Variants in RUNX1 observed in about 807,000 individuals in gnomAD.
The protein encoded by RUNX1 is RUNX family transcription factor 1.
RUNX1 carries 19 observed loss-of-function variants against 42.8 expected under a neutral mutation model. The observed-to-expected ratio is 0.44, with a 90% CI of 0.31 to 0.65. The LOEUF (loss-of-function observed/expected upper bound fraction) is 0.65, where lower values mean the gene tolerates loss of function less well. Among genes scored for constraint, RUNX1 ranks in the 30% least tolerant of loss-of-function variants. The probability of loss-of-function intolerance (pLI) is 0.07; values close to 1 mark genes in which losing one functional copy is unlikely to be tolerated. For missense variants in RUNX1, 528 were observed against 672.0 expected, an observed-to-expected ratio of 0.79 and a Z score of 2.37; for synonymous variants, 271 against 289.4, an observed-to-expected ratio of 0.94 and a Z score of 0.64.
intron 2 of RUNX1, among the ~76,000 whole-genome samples, chr21:34,989,099 T>C (rs570376207): frequency 4.6e-5 from 7 of 151,864 alleles, no homozygotes; most frequent in African/African-American, 1.7e-4. Context: ...ACCTTCACCT[T>C]CCACGTTCAA....
chr21:34,889,348 C>T (rs1044441174), intron 3 of RUNX1, among the ~76,000 whole-genome samples: 2 of 152,158 alleles, frequency 1.3e-5, no homozygotes, highest in Admixed American at 1.3e-4. Context: ...GTGCCGTTTG[C>T]TCTCAGCGTC....
In RUNX1 at chr21:34,926,300, C is replaced by T. The variant is rs897002339; in HGVS notation, c.59-33337G>A. On this transcript the variant is annotated intron_variant, in intron 2 of 8. Transcript: ENST00000675419. ...GACCAGCCTGGGCAACATAGTGGGACCCCATCTCTACAAAAAAATACAAAA... is the reference window on the plus strand; with the variant it reads ...GACCAGCCTGGGCAACATAGTGGGATCCCATCTCTACAAAAAAATACAAAA... 1.5e-4 allele frequency among the ~76,000 whole-genome samples: 22 copies of T among 151,190 alleles called. No homozygotes were observed. The East Asian group carries it at 3.7e-3, about 25-fold the overall frequency.
intron 2 of RUNX1, among the ~76,000 whole-genome samples, chr21:35,016,881 T>TTGTGTG (rs139916478): frequency 3.1e-3 from 459 of 149,336 alleles, no homozygotes; most frequent in African/African-American, 8.6e-3. Context: ...TGTGTGCACA[T>TTGTGTG]TGTGTGTGTG....
Position 34,792,035 on chromosome 21 carries a change from A to C in RUNX1, c.*100T>G. The stretch of plus-strand genomic sequence containing the variant: ...CGGCCCCAGGACGGTGGCCGGGCCC[A>C]GGGCCCGGGATCCCGGCGGGCTTGT... On this transcript the variant is annotated 3_prime_UTR_variant, in exon 9 of 9. Coordinates refer to ENST00000675419, the MANE Select transcript of RUNX1 (RefSeq NM_001754.5). The surrounding 1 kb of genome is among the most constrained non-coding windows in gnomAD (Gnocchi z 6.9). The C allele has an allele frequency of 2.7e-6, 2 of 741,524 alleles. No homozygotes were observed. The highest frequency in any genetic ancestry group is 3.9e-6 in the Non-Finnish European group (2 of 509,994). 45.9% of individuals were successfully genotyped at this position (741,524 alleles called of 1,614,324 possible).
At chr21:34,803,847 T>C (rs2056642493) in intron 7 of RUNX1, among the ~76,000 whole-genome samples, 1 of 152,166 alleles carries the variant, frequency 6.6e-6, no homozygotes, top group African/African-American at 2.4e-5. Flanking sequence ...GAGAATGCTT[T>C]TATCTTTTGA....
intron 7 of RUNX1, chr21:34,829,785 A>G (rs927965138): frequency 3.9e-5 from 6 of 152,244 alleles, no homozygotes; most frequent in African/African-American, 7.2e-5. Context: ...TTGCTAGAAG[A>G]GTAAGGAAGA....
chr21:34,894,922 C>CACAT (rs1555901347), intron 2 of RUNX1, among the ~76,000 whole-genome samples: 89 of 139,180 alleles, frequency 6.4e-4, no homozygotes, highest in Admixed American at 1.1e-3. Flanking sequence ...CACACACACA[C>CACAT]ACACACATAT....
intron 7 of RUNX1, among the ~76,000 whole-genome samples, chr21:34,807,420 G>A (rs1399745247): frequency 2.6e-5 from 4 of 152,106 alleles, no homozygotes; most frequent in African/African-American, 7.2e-5. Context: ...TCTTTAAAAC[G>A]CCAGGTCTTT....
intron 2 of RUNX1, among the ~76,000 whole-genome samples, chr21:35,028,883 G>T (rs1230414464): frequency 6.6e-6 from 1 of 152,200 alleles, no homozygotes; most frequent in Non-Finnish European, 1.5e-5. Context: ...TGGTGAGAGT[G>T]TCATGAGAAT....
chr21:34,983,053 GTTCT>G (rs1438670229), intron 2 of RUNX1, among the ~76,000 whole-genome samples: 2 of 152,090 alleles, frequency 1.3e-5, no homozygotes, highest in African/African-American at 4.8e-5. Context: ...ATCCTTTTTG[GTTCT>G]TTCTCTCATC....
intron 2 of RUNX1, among the ~76,000 whole-genome samples, chr21:34,957,938 C>T (rs991113937): frequency 6.6e-6 from 1 of 152,156 alleles, no homozygotes; most frequent in African/African-American, 2.4e-5. Flanking sequence ...CCCGTCAGGC[C>T]ACCAATGGGA....
intron 2 of RUNX1, among the ~76,000 whole-genome samples, chr21:34,942,216 G>A (rs1372125332): frequency 1.3e-5 from 2 of 151,712 alleles, no homozygotes; most frequent in East Asian, 3.9e-4. Flanking sequence ...CCCAGTGTTG[G>A]TTCAATTATT....
intron 2 of RUNX1, among the ~76,000 whole-genome samples, chr21:34,908,228 TAC>T (rs2058240765): frequency 6.6e-6 from 1 of 152,164 alleles, no homozygotes; most frequent in South Asian, 2.1e-4. Flanking sequence ...CAAGAAGAGA[TAC>T]AGAGAATTCT....
At chr21:34,924,989 T>C (rs2058382376) in intron 2 of RUNX1, among the ~76,000 whole-genome samples, 1 of 150,866 alleles carries the variant, frequency 6.6e-6, no homozygotes, top group African/African-American at 2.5e-5. Flanking sequence ...ACCTAATTAC[T>C]TCCCAAAGGC....
At chr21:34,967,562 T>C (rs2058730645) in intron 2 of RUNX1, among the ~76,000 whole-genome samples, 1 of 152,054 alleles carries the variant, frequency 6.6e-6, no homozygotes, top group African/African-American at 2.4e-5. Flanking sequence ...TGGTGTTAAG[T>C]TGAAAAGGTC....
At chr21:34,935,553 G>C (rs186772818) in intron 2 of RUNX1, among the ~76,000 whole-genome samples, 7 of 152,188 alleles carry the variant, frequency 4.6e-5, no homozygotes. Context: ...TAATAGTTGA[G>C]CTAGCCCTTC....
At chr21:34,831,426 G>GTAAGTA in intron 7 of RUNX1, among the ~76,000 whole-genome samples, 1 of 152,320 alleles carries the variant, frequency 6.6e-6, no homozygotes, top group South Asian at 2.1e-4. Flanking sequence ...GTGATTCTAG[G>GTAAGTA]TAAGTATTGG....
chr21:34,873,054 G>T (rs1249856490), intron 5 of RUNX1, among the ~76,000 whole-genome samples: 3 of 152,198 alleles, frequency 2.0e-5, no homozygotes, highest in Admixed American at 6.5e-5. Flanking sequence ...TTATTATGAT[G>T]TGAGTTAGAC....
chr21:34,975,885 T>C (rs2146767369), intron 2 of RUNX1, among the ~76,000 whole-genome samples: 1 of 152,138 alleles, frequency 6.6e-6, no homozygotes, highest in South Asian at 2.1e-4. Context: ...GAAGAGTTTA[T>C]AAAGGAGAGT....
Sources: allele counts gnomAD v4.1 joint callset (sites outside exome capture counted in the v4.1 genomes callset), GRCh38; gene constraint gnomAD v4.1.1; non-coding constraint Gnocchi (gnomAD v3.1); transcripts MANE v1.5; gene names NCBI Gene and HGNC (gene_info 2026-07-23, HGNC 2026-07-21).